The following TMOD3 variants were observed in gnomAD, a reference collection of about 807,000 sequenced individuals.
TMOD3 encodes the protein tropomodulin 3, also known as tropomodulin-3.
In TMOD3, 20 loss-of-function variants were observed where a neutral mutation model predicts 39.2. The ratio of observed to expected loss-of-function variants is 0.51; its 90% CI spans 0.36 to 0.74. The LOEUF is 0.74. Among genes scored for constraint, TMOD3 ranks in the 30% least tolerant of loss-of-function variants. The pLI is 0.00. For synonymous variants in TMOD3, 143 were observed against 145.8 expected (o/e 0.98, Z 0.14); for missense variants, 381 against 412.8 (o/e 0.92, Z 0.67).
chr15:51,902,033 T>G lies in TMOD3; in HGVS notation c.1021T>G (p.Leu341Val). The G allele has an allele frequency of 6.2e-7, 1 of 1,614,034 alleles. No individual in the cohort carries two copies. The highest frequency in any genetic ancestry group is 8.5e-7 in the Non-Finnish European group (1 of 1,179,988). Residue 341 changes from leucine to valine, a missense_variant, in exon 9 of 10, where the codon TTA becomes GTA. Physicochemically the swap from Leu to Val is conservative, Grantham distance 32. Coordinates refer to ENST00000308580, the MANE Select transcript of TMOD3 (RefSeq NM_014547.5). ...TAATGCTATAACAAAAAACAATGAC[T>G]TAGGTAAGACATAGTATCGATCAAG... ...AANAITKNND[L>V]VRKRRVEGDH...
intron 2 of TMOD3, among the ~76,000 whole-genome samples, chr15:51,863,294 T>G (rs1459629120): frequency 7.2e-5 from 11 of 152,224 alleles, no homozygotes; most frequent in Non-Finnish European, 2.9e-5. Context: ...GAAGGGATAT[T>G]TTTAGTACAA....
At chr15:51,872,586 TGAGGACCAAA>T (rs2056480733) in intron 3 of TMOD3, among the ~76,000 whole-genome samples, 1 of 149,094 alleles carries the variant, frequency 6.7e-6, no homozygotes, top group African/African-American at 2.5e-5. Context: ...ATATTTTTTG[TGAGGACCAAA>T]TTTGTTTTTT....
intron 1 of TMOD3, among the ~76,000 whole-genome samples, chr15:51,837,256 A>G (rs78974815): frequency 0.013 from 1,987 of 152,194 alleles, 45 homozygotes; most frequent in East Asian, 0.074. Flanking sequence ...TTTGATGAGG[A>G]GTTAAGGAAT....
At chr15:51,859,932 TC>T in intron 1 of TMOD3, 1 of 545,038 alleles carries the variant, frequency 1.8e-6, no homozygotes, top group Non-Finnish European at 3.7e-6. Context: ...CTTTCCAACC[TC>T]TTCCCTCTGA....
chr15:51,905,425 T>G (rs2056673573), intron 9 of TMOD3, among the ~76,000 whole-genome samples: 1 of 151,686 alleles, frequency 6.6e-6, no homozygotes, highest in Non-Finnish European at 1.5e-5. Context: ...AGGCGGAGGT[T>G]GCAGTGAGCC....
At chr15:51,891,405 T>C (rs910653184) in intron 5 of TMOD3, among the ~76,000 whole-genome samples, 1 of 152,182 alleles carries the variant, frequency 6.6e-6, no homozygotes, top group East Asian at 1.9e-4. Flanking sequence ...AGTGGCTTGA[T>C]GAGATGCAGG....
At chr15:51,908,652 A>T in intron 9 of TMOD3, 124 bp from the exon 10 acceptor site, 1 of 584,548 alleles carries the variant, frequency 1.7e-6, no homozygotes, top group Non-Finnish European at 2.7e-6. Flanking sequence ...GTGAACTGGA[A>T]ATGGACATTT....
chr15:51,881,252 A>G (rs999188336), intron 3 of TMOD3, among the ~76,000 whole-genome samples: 6 of 151,700 alleles, frequency 4.0e-5, no homozygotes, highest in Non-Finnish European at 7.4e-5. Flanking sequence ...TTCTTTGTAG[A>G]AATGTCTCTT....
chr15:51,836,305 C>T (rs765184770), intron 1 of TMOD3, among the ~76,000 whole-genome samples: 2 of 152,090 alleles, frequency 1.3e-5, no homozygotes, highest in South Asian at 2.1e-4. Context: ...CCTCCCAATT[C>T]CCCCCTGGTC....
chr15:51,869,145 T>C, intron 2 of TMOD3, 72 bp from the exon 3 acceptor site: 1 of 1,507,770 alleles, frequency 6.6e-7, no homozygotes, highest in South Asian at 1.3e-5. Flanking sequence ...CTTTTTTATA[T>C]GGGTAATCTT....
chr15:51,893,294 C>CAAAAA (rs59321162), intron 5 of TMOD3, among the ~76,000 whole-genome samples: 10 of 59,006 alleles, frequency 1.7e-4, no homozygotes, highest in Non-Finnish European at 2.3e-4. Context: ...GACTCCATCT[C>CAAAAA]AAAAAAAAAA....
intron 1 of TMOD3, among the ~76,000 whole-genome samples, chr15:51,841,318 T>C (rs2056311631): frequency 6.6e-6 from 1 of 152,248 alleles, no homozygotes; most frequent in Non-Finnish European, 1.5e-5. Flanking sequence ...TAACCAGTTT[T>C]ATTCTATCAC....
chr15:51,860,032 T>C, intron 1 of TMOD3: 1 of 534,992 alleles, frequency 1.9e-6, no homozygotes, highest in Non-Finnish European at 3.8e-6. Flanking sequence ...GAGTCTTCAC[T>C]GCCTCTTCAT....
chr15:51,887,849 T>C, intron 4 of TMOD3, 138 bp downstream of exon 4: 2 of 1,049,268 alleles, frequency 1.9e-6, no homozygotes, highest in Non-Finnish European at 2.7e-6. Context: ...TTTGGCTTTA[T>C]ATTTTACACG....
chr15:51,887,460 TA>T, intron 3 of TMOD3, 128 bp from the exon 4 acceptor site: 2 of 1,031,594 alleles, frequency 1.9e-6, no homozygotes, highest in Non-Finnish European at 2.7e-6. Context: ...ATGTCAGAGA[TA>T]AAACAAAATT....
Position 51,908,390 on chromosome 15 carries a change from A to G in TMOD3, c.1025-386A>G, listed in dbSNP as rs548290148. On this transcript the variant is annotated intron_variant, in intron 9 of 9. Coordinates refer to ENST00000308580, the MANE Select transcript of TMOD3 (RefSeq NM_014547.5). ...GGAGTCCAAGACCAGCCTAGGCAAGATAGTGAGACCTAATGTCTGTTTTAT... is the reference window on the plus strand; with the variant it reads ...GGAGTCCAAGACCAGCCTAGGCAAGGTAGTGAGACCTAATGTCTGTTTTAT... 8.3e-4 allele frequency among the ~76,000 whole-genome samples: 127 copies of G among 152,342 alleles called. 1 individual carries two copies. The highest frequency in any genetic ancestry group is 2.9e-3 in the African/African-American group (120 of 41,588).
At chr15:51,891,245 T>G (rs2056591691) in intron 5 of TMOD3, among the ~76,000 whole-genome samples, 1 of 82,626 alleles carries the variant, frequency 1.2e-5, no homozygotes, top group Non-Finnish European at 2.0e-5. Flanking sequence ...ACCTCTTTCC[T>G]TTTTTTTTTT....
In TMOD3 at chr15:51,857,574, T is replaced by G. The variant is rs536826696; in HGVS notation, c.-74-5237T>G. On this transcript the variant is annotated intron_variant, in intron 1 of 9. Transcript: ENST00000308580. ...CGTATTGCCTATTAGAGTGCCCTGT[T>G]AGAATGATCATTGAATTTATGACCC... 9.2e-5 allele frequency among the ~76,000 whole-genome samples: 14 copies of G among 152,288 alleles called. No individual in the cohort carries two copies. The South Asian group carries it at 2.9e-3, about 32-fold the overall frequency.
Position 51,887,250 on chromosome 15 carries a change from T to G in TMOD3, c.284-339T>G, listed in dbSNP as rs1391493918. On this transcript the variant is annotated intron_variant, in intron 3 of 9. Transcript: ENST00000308580. ...AAAAAAAAAGGAAATTGGATTCTGT[T>G]TTTTTTTTTTTTAATCTCTTTAAAG... Among the ~76,000 whole-genome samples the G allele has an allele frequency of 7.3e-3, 388 of 53,372 alleles. 6 individuals are homozygous for G. The highest frequency in any genetic ancestry group is 0.018 in the African/African-American group (367 of 20,004). 35.0% of individuals were successfully genotyped at this position (53,372 alleles called of 152,430 possible).
Sources: allele counts gnomAD v4.1 joint callset (sites outside exome capture counted in the v4.1 genomes callset), GRCh38; gene constraint gnomAD v4.1.1; transcripts MANE v1.5; gene names NCBI Gene and HGNC (gene_info 2026-07-23, HGNC 2026-07-21).